LNPK: variants seen among roughly 807,000 people sequenced by gnomAD.
LNPK encodes lunapark, ER junction formation factor, also known as endoplasmic reticulum junction formation protein lunapark.
LNPK carries 29 observed loss-of-function variants against 55.2 expected under a neutral mutation model. That is an observed-to-expected ratio of 0.53 (90% confidence interval 0.39 to 0.72). The LOEUF is 0.72. LNPK is among the 30% of genes least tolerant of loss of function. The pLI is 0.00. For synonymous variants in LNPK, 162 were observed against 168.2 expected, an observed-to-expected ratio of 0.96 and a Z score of 0.29; for missense variants, 467 against 494.8, an observed-to-expected ratio of 0.94 and a Z score of 0.53.
intron 2 of LNPK, chr2:175,994,146 C>T: frequency 1.0e-6 from 1 of 976,728 alleles, no homozygotes; most frequent in African/African-American, 1.7e-5. Flanking sequence ...ATTACATACT[C>T]AACAATCCAA....
At chr2:175,989,362 A>AC (rs1687582457) in intron 4 of LNPK, among the ~76,000 whole-genome samples, 1 of 152,192 alleles carries the variant, frequency 6.6e-6, no homozygotes, top group Non-Finnish European at 1.5e-5. Flanking sequence ...GCAAAAACAA[A>AC]TAAAAAAATT....
intron 1 of LNPK, among the ~76,000 whole-genome samples, chr2:176,000,272 T>C (rs182052579): frequency 3.7e-4 from 56 of 152,328 alleles, no homozygotes; most frequent in African/African-American, 1.3e-3. Flanking sequence ...AGCTATGCAA[T>C]CTTGAGCAGA....
chr2:175,938,013 T>G (rs1250772311), intron 11 of LNPK, among the ~76,000 whole-genome samples: 1 of 152,152 alleles, frequency 6.6e-6, no homozygotes, highest in Non-Finnish European at 1.5e-5. Context: ...GACCTCATAC[T>G]CAGTCCATTA....
At chr2:175,960,947 C>A (rs748586817) in intron 8 of LNPK, among the ~76,000 whole-genome samples, 1 of 152,152 alleles carries the variant, frequency 6.6e-6, no homozygotes, top group African/African-American at 2.4e-5. Flanking sequence ...TGCAAATAAA[C>A]TAGAAAATCT....
chr2:175,985,994 T>C (rs1687390498), intron 4 of LNPK, among the ~76,000 whole-genome samples: 1 of 152,214 alleles, frequency 6.6e-6, no homozygotes, highest in Admixed American at 6.5e-5. Flanking sequence ...ACTGTTAATC[T>C]ATAATTTTTT....
rs2105720763 is a variant in LNPK, at chr2:175,992,309, A to G, written c.179T>C (p.Ile60Thr). The G allele has an allele frequency of 2.5e-6, 4 of 1,574,442 alleles. No individual in the cohort carries two copies. The East Asian group carries it at 7.2e-5, about 28-fold the overall frequency. Residue 60 changes from isoleucine (I) to threonine (T), a missense_variant, in exon 4 of 13, where the codon ATT becomes ACT. By Grantham distance (89) the Ile-to-Thr change is moderately conservative. Transcript: ENST00000272748. ...ATCAGGAAGATACCACAAATATACA[A>G]TTAAGCATGTAAACAGATAGAGAAC... is the stretch of plus-strand genomic sequence containing the variant. ...SSVLYLFTCL[I>T]VYLWYLPDEF...
chr2:175,936,419 T>C (rs1335365710), intron 12 of LNPK, among the ~76,000 whole-genome samples: 1 of 152,234 alleles, frequency 6.6e-6, no homozygotes, highest in Non-Finnish European at 1.5e-5. Context: ...AATGTTTTTA[T>C]GAAGAAAATA....
intron 4 of LNPK, among the ~76,000 whole-genome samples, chr2:175,988,340 A>C (rs1012726140): frequency 3.2e-5 from 4 of 124,110 alleles, no homozygotes; most frequent in African/African-American, 1.2e-4. Context: ...CATCTCTACT[A>C]AAAAAAAAAC....
At chr2:175,960,650 C>A (rs1685973250) in intron 8 of LNPK, among the ~76,000 whole-genome samples, 1 of 152,084 alleles carries the variant, frequency 6.6e-6, no homozygotes, top group East Asian at 1.9e-4. Context: ...ATTAAAAGAA[C>A]TAGAGAAGCA....
In LNPK at chr2:175,989,866, G is replaced by A. The variant is rs145424187; in HGVS notation, c.257+2365C>T. 1.8e-4 allele frequency among the ~76,000 whole-genome samples: 27 copies of A among 152,242 alleles called. No individual in the cohort carries two copies. In the East Asian group the frequency reaches 4.8e-3, roughly 27 times the overall value. On this transcript the variant is annotated intron_variant, in intron 4 of 12. Coordinates refer to ENST00000272748, the MANE Select transcript of LNPK (RefSeq NM_030650.3). Reference sequence around the variant, plus strand: ...TATAATAAAATTTCAAAGGATATTAGAGTATTGATATTCTACCATAAAGAA... The same window carrying A: ...TATAATAAAATTTCAAAGGATATTAAAGTATTGATATTCTACCATAAAGAA...
intron 12 of LNPK, among the ~76,000 whole-genome samples, chr2:175,934,599 G>C (rs951338052): frequency 1.6e-4 from 24 of 151,910 alleles, no homozygotes; most frequent in Non-Finnish European, 2.5e-4. Context: ...CAACAATGTA[G>C]AAACCTAGTA....
intron 8 of LNPK, among the ~76,000 whole-genome samples, chr2:175,962,781 G>T (rs1686113247): frequency 6.6e-6 from 1 of 151,982 alleles, no homozygotes; most frequent in Non-Finnish European, 1.5e-5. Context: ...TACAGAATGG[G>T]AGAAAATTTT....
At chr2:176,002,571 A>C, upstream of LNPK, 3 of 192,926 alleles carry the variant, frequency 1.6e-5, no homozygotes, top group Non-Finnish European at 3.2e-5. Flanking sequence ...GGAGAAGGAA[A>C]CCCCTGAAAC....
intron 1 of LNPK, among the ~76,000 whole-genome samples, chr2:175,997,900 G>A (rs908098422): frequency 1.2e-4 from 18 of 149,796 alleles, no homozygotes; most frequent in Non-Finnish European, 2.4e-4. Flanking sequence ...CACCACACCC[G>A]GCTAATTTTT....
intron 12 of LNPK, among the ~76,000 whole-genome samples, chr2:175,931,688 C>T (rs1367665128): frequency 6.6e-6 from 1 of 152,118 alleles, no homozygotes; most frequent in Non-Finnish European, 1.5e-5. Context: ...TAACATGGCA[C>T]TTAAAATGGC....
intron 4 of LNPK, 82 bp downstream of exon 4, chr2:175,992,149 A>G: frequency 2.4e-6 from 2 of 844,146 alleles, no homozygotes; most frequent in Non-Finnish European, 3.5e-6. Context: ...AATAATAAAG[A>G]GACCGAATAT....
In LNPK at chr2:175,930,106, G is replaced by A. The variant is rs1421450424; in HGVS notation, c.1148C>T (p.Ala383Val). 6.2e-7 allele frequency: 1 copy of A among 1,613,996 alleles called. No individual in the cohort carries two copies. The highest frequency in any genetic ancestry group is 1.7e-5 in the Admixed American group (1 of 59,986). ...TEQTNQVIEKASDSEEPEEKQ... is the reference protein window; with the variant it reads ...TEQTNQVIEKVSDSEEPEEKQ... ...CTCCTCTGGTTCCTCTGAGTCAGAT[G>A]CTTTTTCAATCACTTGGTTTGTCTG... The change falls in exon 13 of 13, where the codon GCA (alanine) becomes GTA (valine). Residue 383 changes from alanine (A) to valine (V), a missense_variant. By Grantham distance (64) the Ala-to-Val change is moderately conservative. Transcript: ENST00000272748.
chr2:175,971,001 G>A (rs1035940665), intron 5 of LNPK, among the ~76,000 whole-genome samples, 197 bp from the exon 6 acceptor site: 1 of 151,866 alleles, frequency 6.6e-6, no homozygotes, highest in Non-Finnish European at 1.5e-5. Flanking sequence ...ATATATTATA[G>A]GCCATTGAGG....
At position 175,966,506 on chromosome 2, in the gene LNPK, C is replaced by T. The variant is rs144154854; in HGVS notation, c.358-1917G>A. Reference sequence around the variant, plus strand: ...ACACACAAAACTCCAAACCAAAATGCTACTTTATCGAATGATTGCATTCCT... The same window carrying T: ...ACACACAAAACTCCAAACCAAAATGTTACTTTATCGAATGATTGCATTCCT... On this transcript the variant is annotated intron_variant, in intron 6 of 12. Transcript: ENST00000272748. Among the ~76,000 whole-genome samples, 160 of 152,302 alleles carry T rather than the reference C, an allele frequency of 1.1e-3. 1 individual carries two copies. The highest frequency in any genetic ancestry group is 3.4e-3 in the African/African-American group (142 of 41,572).
Sources: allele counts gnomAD v4.1 joint callset (sites outside exome capture counted in the v4.1 genomes callset), GRCh38; gene constraint gnomAD v4.1.1; transcripts MANE v1.5; gene names NCBI Gene and HGNC (gene_info 2026-07-23, HGNC 2026-07-21).